The following GRM7 variants were observed in gnomAD, a reference collection of about 807,000 sequenced individuals.
GRM7 encodes the protein glutamate metabotropic receptor 7, also known as metabotropic glutamate receptor 7.
Under a neutral mutation model 84.5 loss-of-function variants are expected in GRM7, and 35 were observed. That is an observed-to-expected ratio of 0.41 (90% CI 0.32 to 0.55). The LOEUF (loss-of-function observed/expected upper bound fraction) is 0.55. Ranked by LOEUF, GRM7 falls within the 20% of genes least tolerant of loss-of-function variation. GRM7 has a pLI of 0.19. For synonymous variants in GRM7, 487 were observed against 455.1 expected (o/e 1.07, Z -0.89); for missense variants, 1,003 against 1,194.6 (o/e 0.84, Z 2.36).
chr3:7,396,685 T>G (rs924076472), intron 4 of GRM7, among the ~76,000 whole-genome samples: 2 of 152,084 alleles, frequency 1.3e-5, no homozygotes, highest in African/African-American at 4.8e-5. Flanking sequence ...GCTGGGAGTA[T>G]AAAATGAGCT....
In GRM7 at chr3:7,397,952, A is replaced by G. The variant is rs543374454; in HGVS notation, c.1034-17071A>G. ...AAACACTGCTTTAAAGGGAGCCAAA[A>G]CGTGGATGCACCCAAGTTAAAATTG... On this transcript the variant is annotated intron_variant, in intron 4 of 9. Coordinates refer to ENST00000357716, the MANE Select transcript of GRM7 (RefSeq NM_000844.4). 1.1e-4 allele frequency among the ~76,000 whole-genome samples: 16 copies of G among 152,192 alleles called. No individual in the cohort carries two copies. In the South Asian group the frequency reaches 3.3e-3, roughly 32 times the overall value.
chr3:7,333,450 C>T (rs192743245), intron 4 of GRM7, among the ~76,000 whole-genome samples: 4 of 152,316 alleles, frequency 2.6e-5, no homozygotes, highest in Admixed American at 6.5e-5. Flanking sequence ...AGCACCACAT[C>T]GAGGGATCGC....
At chr3:7,669,707 G>C (rs1699845433) in intron 8 of GRM7, among the ~76,000 whole-genome samples, 1 of 152,120 alleles carries the variant, frequency 6.6e-6, no homozygotes, top group South Asian at 2.1e-4. Flanking sequence ...AGATCCCTCA[G>C]CCAACACCTT....
At chr3:7,719,718 A>G (rs999354090) in intron 9 of GRM7, among the ~76,000 whole-genome samples, 6 of 151,346 alleles carry the variant, frequency 4.0e-5, no homozygotes, top group African/African-American at 1.5e-4. Context: ...AGGCTGAGAC[A>G]GGAGAATGGC....
chr3:7,720,370 C>T (rs1315371470), intron 9 of GRM7, among the ~76,000 whole-genome samples: 1 of 152,102 alleles, frequency 6.6e-6, no homozygotes, highest in Non-Finnish European at 1.5e-5. Context: ...TAAAATTGGC[C>T]TGTGATTACA....
intron 4 of GRM7, among the ~76,000 whole-genome samples, chr3:7,339,282 C>G (rs1303331770): frequency 6.6e-6 from 1 of 152,038 alleles, no homozygotes; most frequent in Non-Finnish European, 1.5e-5. Context: ...AAACAAAAAC[C>G]AAGACAGTAG....
At chr3:7,387,059 A>G (rs925297521) in intron 4 of GRM7, among the ~76,000 whole-genome samples, 10 of 152,072 alleles carry the variant, frequency 6.6e-5, no homozygotes, top group African/African-American at 2.4e-4. Flanking sequence ...GGCCATGTTT[A>G]TGTCTTCCTT....
chr3:7,396,166 A>T (rs1010210623), intron 4 of GRM7, among the ~76,000 whole-genome samples: 2 of 152,166 alleles, frequency 1.3e-5, no homozygotes, highest in Non-Finnish European at 2.9e-5. Context: ...ACCCAAGTAC[A>T]CCTGGGAGAA....
At chr3:7,667,877 AAC>A (rs1699765614) in intron 8 of GRM7, among the ~76,000 whole-genome samples, 2 of 151,788 alleles carry the variant, frequency 1.3e-5, no homozygotes, top group African/African-American at 4.8e-5. Context: ...AAAAAAAAAA[AAC>A]TTCAACGCCT....
At chr3:6,958,743 T>G (rs1394776599) in intron 1 of GRM7, among the ~76,000 whole-genome samples, 1 of 152,188 alleles carries the variant, frequency 6.6e-6, no homozygotes, top group Admixed American at 6.5e-5. Context: ...AATCCATGAC[T>G]TTGGATTATA....
intron 9 of GRM7, among the ~76,000 whole-genome samples, chr3:7,713,203 T>G (rs1390395544): frequency 6.8e-6 from 1 of 146,488 alleles, no homozygotes; most frequent in Admixed American, 7.0e-5. Context: ...AGTGGTGAGA[T>G]CTTGGCTCAC....
At chr3:7,316,741 A>G (rs1283586080) in intron 4 of GRM7, among the ~76,000 whole-genome samples, 1 of 150,456 alleles carries the variant, frequency 6.6e-6, no homozygotes, top group Non-Finnish European at 1.5e-5. Flanking sequence ...TATCTATCCA[A>G]GTATCTCAGT....
intron 1 of GRM7, among the ~76,000 whole-genome samples, chr3:6,949,066 G>T: frequency 6.9e-6 from 1 of 144,528 alleles, no homozygotes; most frequent in East Asian, 2.1e-4. Flanking sequence ...TTTAAGGTTA[G>T]TATTGTTATG....
At chr3:7,563,211 G>C (rs1318668241) in intron 7 of GRM7, among the ~76,000 whole-genome samples, 1 of 152,044 alleles carries the variant, frequency 6.6e-6, no homozygotes. Context: ...GATTTCTATT[G>C]TTCTTTTTTG....
intron 3 of GRM7, among the ~76,000 whole-genome samples, chr3:7,301,096 C>G (rs1221966218): frequency 1.3e-5 from 2 of 152,112 alleles, no homozygotes; most frequent in Non-Finnish European, 2.9e-5. Flanking sequence ...GTTCTCCATC[C>G]AAAATGCATA....
intron 8 of GRM7, among the ~76,000 whole-genome samples, chr3:7,676,872 G>A (rs1700142286): frequency 6.6e-6 from 1 of 152,118 alleles, no homozygotes; most frequent in South Asian, 2.1e-4. Context: ...ACCAAGATTT[G>A]TGTCAGTACA....
chr3:7,536,824 G>A (rs190933082), intron 7 of GRM7, among the ~76,000 whole-genome samples: 1 of 152,164 alleles, frequency 6.6e-6, no homozygotes, highest in Non-Finnish European at 1.5e-5. Flanking sequence ...TCTCATGAGA[G>A]AATTTGAGAT....
intron 1 of GRM7, among the ~76,000 whole-genome samples, chr3:6,901,007 G>A (rs1328598625): frequency 6.6e-6 from 1 of 152,076 alleles, no homozygotes; most frequent in African/African-American, 2.4e-5. Context: ...TTAAAAAACT[G>A]GAAAATAGTT....
At chr3:6,894,394 A>G (rs1341256757) in intron 1 of GRM7, among the ~76,000 whole-genome samples, 1 of 152,200 alleles carries the variant, frequency 6.6e-6, no homozygotes, top group Non-Finnish European at 1.5e-5. Context: ...TCCCACTTCT[A>G]GCTAATGAAA....
Sources: gnomAD v4.1 joint callset for allele counts (sites outside exome capture counted in the v4.1 genomes callset) on GRCh38, gnomAD v4.1.1 for gene constraint, MANE v1.5 for transcripts, NCBI Gene and HGNC (gene_info 2026-07-23, HGNC 2026-07-21) for gene names.